The following STK39 variants were observed in gnomAD, a reference collection of about 807,000 sequenced individuals.
STK39 encodes serine/threonine kinase 39.
STK39 carries 20 observed loss-of-function variants against 77.8 expected under a neutral mutation model. The observed-to-expected ratio is 0.26, with a 90% CI of 0.18 to 0.37. The LOEUF is 0.37. STK39 is among the 10% of genes least tolerant of loss of function. The pLI is 1.00. For missense variants in STK39, 479 were observed against 656.5 expected (o/e 0.73, Z 2.95); for synonymous variants, 246 against 234.1 (o/e 1.05, Z -0.47).
chr2:167,961,817 A>G (rs1193449300), intron 17 of STK39, among the ~76,000 whole-genome samples: 2 of 152,224 alleles, frequency 1.3e-5, no homozygotes, highest in Admixed American at 6.5e-5. Context: ...CACCAAGAGC[A>G]GTTAAATAAG....
intron 14 of STK39, among the ~76,000 whole-genome samples, chr2:168,021,091 G>A (rs1427170575): frequency 6.6e-6 from 1 of 152,094 alleles, no homozygotes; most frequent in African/African-American, 2.4e-5. Flanking sequence ...AATTTGGTTG[G>A]ACATTAATTT....
At position 167,990,618 on chromosome 2, in the gene STK39, A is replaced by G. The variant is rs1049544576; in HGVS notation, c.1498+22016T>C. ...CATCCTGCTTAATCTATAAATCTGA[A>G]CAGTGCAAATGCAGAACCCCAATTT... On this transcript the variant is annotated intron_variant, in intron 16 of 17. Transcript: ENST00000355999. 3.9e-5 allele frequency among the ~76,000 whole-genome samples: 6 copies of G among 152,214 alleles called. 1 individual carries two copies. The highest frequency in any genetic ancestry group is 1.4e-4 in the African/African-American group (6 of 41,446).
chr2:168,104,306 T>C (rs1490531247), intron 10 of STK39, among the ~76,000 whole-genome samples: 1 of 152,152 alleles, frequency 6.6e-6, no homozygotes, highest in Non-Finnish European at 1.5e-5. Context: ...TATTTTCCTC[T>C]AATCATTAGG....
At chr2:168,110,337 A>T (rs1240772825) in intron 10 of STK39, among the ~76,000 whole-genome samples, 1 of 152,272 alleles carries the variant, frequency 6.6e-6, no homozygotes, top group East Asian at 1.9e-4. Context: ...GACTCAAGCA[A>T]TCCTCCTTCC....
chr2:168,022,802 C>A (rs1361959634), intron 14 of STK39, among the ~76,000 whole-genome samples: 1 of 152,110 alleles, frequency 6.6e-6, no homozygotes, highest in Non-Finnish European at 1.5e-5. Context: ...GATACACAGA[C>A]CCACAGACTG....
intron 1 of STK39, among the ~76,000 whole-genome samples, chr2:168,244,476 A>G (rs1216320888): frequency 1.3e-5 from 2 of 152,206 alleles, no homozygotes; most frequent in African/African-American, 2.4e-5. Flanking sequence ...ACACTGCTGG[A>G]GTCATATCAT....
chr2:168,188,355 T>C (rs969420434), intron 1 of STK39, among the ~76,000 whole-genome samples: 3 of 152,190 alleles, frequency 2.0e-5, no homozygotes, highest in African/African-American at 4.8e-5. Flanking sequence ...TGACCTGGCA[T>C]AGCAAGACAG....
intron 1 of STK39, among the ~76,000 whole-genome samples, chr2:168,219,250 C>T (rs1690102464): frequency 6.6e-6 from 1 of 151,426 alleles, no homozygotes; most frequent in African/African-American, 2.4e-5. Context: ...TGAGCCACTG[C>T]ACTCCAGCCT....
intron 1 of STK39, among the ~76,000 whole-genome samples, chr2:168,227,572 CA>C (rs1309454550): frequency 4.6e-5 from 7 of 152,182 alleles, no homozygotes; most frequent in African/African-American, 1.7e-4. Context: ...CTATGAAATC[CA>C]AAAGTCACTA....
intron 1 of STK39, among the ~76,000 whole-genome samples, chr2:168,218,404 A>G (rs1201037058): frequency 2.6e-5 from 4 of 152,228 alleles, no homozygotes; most frequent in Non-Finnish European, 5.9e-5. Flanking sequence ...GACTGGACAA[A>G]GTCCTATCAT....
At chr2:168,111,112 C>T (rs186691626) in intron 10 of STK39, among the ~76,000 whole-genome samples, 63 of 151,886 alleles carry the variant, frequency 4.1e-4, no homozygotes, top group Non-Finnish European at 7.7e-4. Flanking sequence ...AAAATTTATC[C>T]ATCTTGTCTA....
chr2:167,975,870 A>G (rs1683263972), intron 16 of STK39, among the ~76,000 whole-genome samples: 1 of 152,168 alleles, frequency 6.6e-6, no homozygotes, highest in Non-Finnish European at 1.5e-5. Flanking sequence ...TCTTCAAAGG[A>G]CTGGTCATGA....
intron 16 of STK39, among the ~76,000 whole-genome samples, chr2:167,988,874 A>G (rs992117399): frequency 2.0e-5 from 3 of 152,220 alleles, no homozygotes; most frequent in Non-Finnish European, 4.4e-5. Flanking sequence ...CTGCCTGCTC[A>G]GAGTCATGCT....
intron 14 of STK39, among the ~76,000 whole-genome samples, chr2:168,017,686 T>C (rs1362244499): frequency 6.6e-6 from 1 of 152,054 alleles, no homozygotes; most frequent in Admixed American, 6.5e-5. Context: ...ATAATTTTAT[T>C]AAAAATTTCA....
intron 2 of STK39, among the ~76,000 whole-genome samples, chr2:168,172,212 G>A (rs754520655): frequency 4.6e-5 from 7 of 152,148 alleles, no homozygotes; most frequent in Admixed American, 2.6e-4. Context: ...TTTCTTCGTT[G>A]CGTGTGAGCA....
intron 12 of STK39, among the ~76,000 whole-genome samples, chr2:168,067,812 T>C (rs1685833995): frequency 6.6e-6 from 1 of 152,196 alleles, no homozygotes; most frequent in African/African-American, 2.4e-5. Context: ...TGCTATAGGA[T>C]GGACATTTGA....
At chr2:168,117,010 G>T (rs1687276834) in intron 10 of STK39, among the ~76,000 whole-genome samples, 1 of 152,188 alleles carries the variant, frequency 6.6e-6, no homozygotes, top group Non-Finnish European at 1.5e-5. Context: ...AGAAGAAAAT[G>T]ACAATAGTCA....
rs993557806 is a variant in STK39 at position 167,985,969 on chromosome 2, A to T, written c.1499-21243T>A. ...TATTTTGGGAAGAAAGGAAATTCCG[A>T]ATATGCCAAATACTTCTATCATAGT... On this transcript the variant is annotated intron_variant, in intron 16 of 17. Transcript: ENST00000355999. Among the ~76,000 whole-genome samples, 3 of 152,206 alleles carry T rather than the reference A, an allele frequency of 2.0e-5. No homozygotes were observed. The East Asian group carries it at 5.8e-4, about 29-fold the overall frequency.
intron 8 of STK39, among the ~76,000 whole-genome samples, chr2:168,133,892 T>C (rs142822190): frequency 9.3e-4 from 142 of 152,112 alleles, no homozygotes; most frequent in African/African-American, 3.4e-3. Context: ...AAGACAGTGA[T>C]AGGAAGTGTG....
Sources: gnomAD v4.1 joint callset for allele counts (sites outside exome capture counted in the v4.1 genomes callset) on GRCh38, gnomAD v4.1.1 for gene constraint, MANE v1.5 for transcripts, NCBI Gene and HGNC (gene_info 2026-07-23, HGNC 2026-07-21) for gene names.